Variants in SHTN1 observed in about 807,000 individuals in gnomAD.
The protein encoded by SHTN1 is shootin-1.
SHTN1 carries 42 observed loss-of-function variants against 83.1 expected under a neutral mutation model. The observed-to-expected ratio is 0.51, with a 90% CI of 0.39 to 0.65. The LOEUF is 0.65. Among genes scored for constraint, SHTN1 ranks in the 30% least tolerant of loss-of-function variants. The pLI is 0.00. For synonymous variants in SHTN1, 224 were observed against 247.7 expected (o/e 0.90, Z 0.90); for missense variants, 622 against 737.8 (o/e 0.84, Z 1.82).
intron 1 of SHTN1, among the ~76,000 whole-genome samples, chr10:117,085,467 G>A (rs951535109): frequency 2.6e-5 from 4 of 152,070 alleles, no homozygotes; most frequent in South Asian, 2.1e-4. Context: ...CTTTATTACC[G>A]ATTTCTAGTT....
intron 6 of SHTN1, among the ~76,000 whole-genome samples, chr10:116,951,666 C>G (rs1849782341): frequency 6.6e-6 from 1 of 152,180 alleles, no homozygotes. Flanking sequence ...ACTGGGGGAA[C>G]AACAGGAAAC....
At chr10:117,090,733 G>A in intron 1 of SHTN1, among the ~76,000 whole-genome samples, 1 of 135,160 alleles carries the variant, frequency 7.4e-6, no homozygotes, top group Non-Finnish European at 1.5e-5. Context: ...TCCAAGCCAT[G>A]TGCCCTAATT....
At chr10:116,961,098 C>T (rs1037549406) in intron 3 of SHTN1, among the ~76,000 whole-genome samples, 9 of 151,492 alleles carry the variant, frequency 5.9e-5, no homozygotes, top group African/African-American at 2.2e-4. Flanking sequence ...GTAGACATTA[C>T]TTATTGCTAT....
At chr10:117,005,656 A>G, upstream of SHTN1, 1 of 886,132 alleles carries the variant, frequency 1.1e-6, no homozygotes, top group Non-Finnish European at 1.4e-6. Flanking sequence ...CTAGCTGCCC[A>G]CAGGGGCGGG....
At chr10:116,986,604 C>T (rs1851225300) in intron 1 of SHTN1, among the ~76,000 whole-genome samples, 1 of 151,688 alleles carries the variant, frequency 6.6e-6, no homozygotes, top group South Asian at 2.1e-4. Context: ...CCACTGTTGA[C>T]AGAGTGCAGT....
At chr10:117,000,365 T>C (rs1026864777) in intron 1 of SHTN1, among the ~76,000 whole-genome samples, 2 of 152,212 alleles carry the variant, frequency 1.3e-5, no homozygotes, top group Non-Finnish European at 2.9e-5. Flanking sequence ...ACTAACTTGC[T>C]CTAAGAATAA....
intron 11 of SHTN1, among the ~76,000 whole-genome samples, chr10:116,927,315 T>G (rs896244624): frequency 1.3e-5 from 2 of 152,154 alleles, no homozygotes; most frequent in Non-Finnish European, 2.9e-5. Context: ...AATAATATAT[T>G]GGCTTGTTAG....
chr10:117,024,369 T>A (rs1327922142), intron 2 of SHTN1, among the ~76,000 whole-genome samples: 3 of 145,276 alleles, frequency 2.1e-5, no homozygotes, highest in Non-Finnish European at 1.5e-5. Context: ...TTTTTTTTTT[T>A]TTTGAGACGG....
At chr10:117,058,244 C>T (rs1454187563) in intron 1 of SHTN1, among the ~76,000 whole-genome samples, 3 of 152,092 alleles carry the variant, frequency 2.0e-5, no homozygotes, top group Non-Finnish European at 4.4e-5. Flanking sequence ...AGGCAACCCA[C>T]AAAATGGGAG....
chr10:116,904,508 C>T (rs1434395815), intron 15 of SHTN1, among the ~76,000 whole-genome samples: 1 of 151,712 alleles, frequency 6.6e-6, no homozygotes, highest in Non-Finnish European at 1.5e-5. Flanking sequence ...CAAGTCACTC[C>T]CTTAGTGTGT....
At chr10:116,960,335 G>T in intron 3 of SHTN1, 105 bp from the exon 4 acceptor site, 1 of 653,096 alleles carries the variant, frequency 1.5e-6, no homozygotes, top group Non-Finnish European at 2.7e-6. Flanking sequence ...TCTTTGGCTA[G>T]CCAGACCTTT....
chr10:116,921,182 C>T (rs1261314728), intron 12 of SHTN1, among the ~76,000 whole-genome samples: 1 of 152,094 alleles, frequency 6.6e-6, no homozygotes, highest in African/African-American at 2.4e-5. Flanking sequence ...CTGTACACTC[C>T]AAGGTACCCT....
intron 14 of SHTN1, among the ~76,000 whole-genome samples, chr10:116,910,550 A>G (rs1269694889): frequency 6.6e-6 from 1 of 152,214 alleles, no homozygotes; most frequent in Non-Finnish European, 1.5e-5. Flanking sequence ...AAATATTATC[A>G]TATGTACCTC....
intron 1 of SHTN1, among the ~76,000 whole-genome samples, chr10:117,098,792 G>A (rs1010372733): frequency 6.6e-6 from 1 of 151,962 alleles, no homozygotes; most frequent in African/African-American, 2.4e-5. Flanking sequence ...TCCCCCAAAC[G>A]CTTCCTCCTG....
In SHTN1 at chr10:116,882,200, C is replaced by A. The variant is rs926525693; in HGVS notation, c.*4144G>T. 6.6e-6 allele frequency: 1 copy of A among 151,982 alleles called. No individual in the cohort carries two copies. The highest frequency in any genetic ancestry group is 1.5e-5 in the Non-Finnish European group (1 of 68,050). The allele number at this position is 151,982 out of a possible 1,614,324, so 9.4% of individuals were successfully genotyped here. On this transcript the variant is annotated 3_prime_UTR_variant, in exon 17 of 17. Transcript: ENST00000355371. ...CATCTCACTTTCCTACCCTTGATTCCTTTTTTCCTAATTCCCTCTCCTTTT... is the reference window on the plus strand; with the variant it reads ...CATCTCACTTTCCTACCCTTGATTCATTTTTTCCTAATTCCCTCTCCTTTT...
chr10:116,982,041 G>C (rs1208561870), intron 1 of SHTN1, among the ~76,000 whole-genome samples: 1 of 152,184 alleles, frequency 6.6e-6, no homozygotes, highest in African/African-American at 2.4e-5. Flanking sequence ...CTGGGCAACA[G>C]AGCAAGACTC....
chr10:117,117,762 G>C (rs1190725681), intron 1 of SHTN1, among the ~76,000 whole-genome samples: 1 of 152,138 alleles, frequency 6.6e-6, no homozygotes, highest in African/African-American at 2.4e-5. Context: ...ACTCATCTTT[G>C]ACAAAGGTGC....
At chr10:116,899,546 TGAGA>T (rs59129110) in intron 16 of SHTN1, among the ~76,000 whole-genome samples, 50,376 of 123,554 alleles carry the variant, frequency 0.41, 10,351 homozygotes, top group Middle Eastern at 0.54. Flanking sequence ...TGTGTGTGTG[TGAGA>T]GAGTGCATGC....
intron 16 of SHTN1, among the ~76,000 whole-genome samples, chr10:116,892,356 C>T (rs1387075537): frequency 6.6e-6 from 1 of 152,220 alleles, no homozygotes; most frequent in East Asian, 1.9e-4. Flanking sequence ...ACTACGATTT[C>T]AGCTCGGCCA....
Sources: gnomAD v4.1 joint callset for allele counts (sites outside exome capture counted in the v4.1 genomes callset) on GRCh38, gnomAD v4.1.1 for gene constraint, MANE v1.5 for transcripts, NCBI Gene and HGNC (gene_info 2026-07-23, HGNC 2026-07-21) for gene names.